MROH9: variants seen among roughly 807,000 people sequenced by gnomAD.
The protein encoded by MROH9 is maestro heat-like repeat-containing protein family member 9.
In MROH9, 92 loss-of-function variants were observed where a neutral mutation model predicts 98.2. The ratio of observed to expected loss-of-function variants is 0.94; its 90% CI spans 0.79 to 1.11. MROH9 has a LOEUF of 1.11. MROH9 is among the 50% of genes most tolerant of loss of function. The pLI, the probability that MROH9 is intolerant of heterozygous loss-of-function variation, is 0.00. For synonymous variants in MROH9, 397 were observed against 368.9 expected (o/e 1.08, Z -0.87); for missense variants, 1,057 against 1,014.8 (o/e 1.04, Z -0.57).
At chr1:170,938,200 C>T (rs149981928) in intron 1 of MROH9, among the ~76,000 whole-genome samples, 2 of 152,250 alleles carry the variant, frequency 1.3e-5, no homozygotes, top group Non-Finnish European at 2.9e-5. Flanking sequence ...TCTTAACTTC[C>T]AGTTCAGTGG....
chr1:170,950,780 ACTATAT>A (rs753460069), intron 3 of MROH9, among the ~76,000 whole-genome samples: 8 of 152,128 alleles, frequency 5.3e-5, no homozygotes, highest in Non-Finnish European at 1.0e-4. Flanking sequence ...GCTGGATCAA[ACTATAT>A]CTATATTTTG....
intron 17 of MROH9, among the ~76,000 whole-genome samples, chr1:171,018,295 C>G (rs1652396639): frequency 6.6e-6 from 1 of 151,894 alleles, no homozygotes. Flanking sequence ...CTGCAGCAAC[C>G]CTACAGAAGA....
intron 20 of MROH9, among the ~76,000 whole-genome samples, chr1:171,052,718 G>A (rs1653709748): frequency 6.6e-6 from 1 of 152,178 alleles, no homozygotes; most frequent in African/African-American, 2.4e-5. Context: ...GAGTGGGTAA[G>A]CCAAATGCCT....
intron 20 of MROH9, among the ~76,000 whole-genome samples, chr1:171,056,041 G>A (rs559188121): frequency 2.6e-5 from 4 of 152,288 alleles, no homozygotes; most frequent in South Asian, 4.1e-4. Flanking sequence ...CCACACCACC[G>A]GGGCCTAGGG....
chr1:171,014,132 T>A lies in MROH9; in HGVS notation c.1612T>A (p.Phe538Ile), dbSNP rs765082584. The A allele has an allele frequency of 7.1e-6, 11 of 1,550,680 alleles. No individual in the cohort carries two copies. The highest frequency in any genetic ancestry group is 9.6e-6 in the Non-Finnish European group (11 of 1,146,658). ...TTTCTTTCAGCTTCTGAATAACTTC[T>A]TCAAGGACCCTTTACCAGAAGAATT... ...IFLTELLNNF[F>I]KDPLPEEFLV... Residue 538 changes from phenylalanine to isoleucine, a missense_variant, in exon 16 of 22, where the codon TTC (phenylalanine) becomes ATC (isoleucine). Physicochemically the swap from Phe to Ile is conservative, Grantham distance 21. Transcript: ENST00000367759.
chr1:171,017,918 G>A lies in MROH9; in HGVS notation c.1908+1582G>A, dbSNP rs78392460. ...CTCCTTAGGCCTGAACCCCTCGTGGGAGGGGTGGCCACAGTCTCTGCACAC... is the reference window on the plus strand; with the variant it reads ...CTCCTTAGGCCTGAACCCCTCGTGGAAGGGGTGGCCACAGTCTCTGCACAC... On this transcript the variant is annotated intron_variant, in intron 17 of 21. Transcript: ENST00000367759. 5.4e-3 allele frequency among the ~76,000 whole-genome samples: 822 copies of A among 152,272 alleles called. 30 individuals carry two copies. In the East Asian group the frequency reaches 0.11, roughly 21 times the overall value.
At chr1:171,024,814 T>C (rs1652653805) in intron 19 of MROH9, 49 bp downstream of exon 19, 2 of 1,120,924 alleles carry the variant, frequency 1.8e-6, no homozygotes, top group Non-Finnish European at 2.6e-6. Context: ...AGACAAAACT[T>C]ACAGGATATC....
In MROH9 at chr1:170,994,395, T is replaced by G. The variant is rs556982887; in HGVS notation, c.1195-994T>G. 4.6e-4 allele frequency among the ~76,000 whole-genome samples: 70 copies of G among 152,320 alleles called. 1 individual carries two copies. The highest frequency in any genetic ancestry group is 1.7e-3 in the African/African-American group (70 of 41,580). ...CATATGTTATTATTGCCTAATTTAT[T>G]GTATAAAAAGACCTATGAAGTTTTC... On this transcript the variant is annotated intron_variant, in intron 12 of 21. Coordinates refer to ENST00000367759, the MANE Select transcript of MROH9 (RefSeq NM_001163629.2).
chr1:170,954,445 A>G (rs1027003087), intron 3 of MROH9, among the ~76,000 whole-genome samples: 1 of 152,090 alleles, frequency 6.6e-6, no homozygotes, highest in African/African-American at 2.4e-5. Context: ...TATTGTGAAT[A>G]TGCTGCAATG....
At chr1:171,012,283 A>T (rs899928048) in intron 15 of MROH9, among the ~76,000 whole-genome samples, 1 of 151,692 alleles carries the variant, frequency 6.6e-6, no homozygotes, top group African/African-American at 2.4e-5. Context: ...GTGCTTTTTA[A>T]TTGTTTTGCT....
At chr1:170,979,843 T>C (rs1166604716) in intron 8 of MROH9, among the ~76,000 whole-genome samples, 2 of 152,132 alleles carry the variant, frequency 1.3e-5, no homozygotes, top group Non-Finnish European at 2.9e-5. Flanking sequence ...GAAAACCCCA[T>C]CATCTCAGTC....
intron 20 of MROH9, among the ~76,000 whole-genome samples, chr1:171,056,038 A>T (rs1299628231): frequency 4.6e-5 from 7 of 152,188 alleles, no homozygotes; most frequent in African/African-American, 1.7e-4. Flanking sequence ...AACCCACACC[A>T]CCGGGGCCTA....
intron 20 of MROH9, among the ~76,000 whole-genome samples, chr1:171,044,972 CTTTTTTTTTTTTTTTTTTTTTTTTTTTT>C (rs754332732): frequency 4.6e-4 from 21 of 45,712 alleles, no homozygotes; most frequent in Middle Eastern, 0.012. Context: ...CTGCTCTGAT[CTTTTTTTTTTTTTTTTTTTTTTTTTTTT>C]TTTTTTTTTT....
chr1:171,035,233 A>G (rs1653058064), intron 20 of MROH9, among the ~76,000 whole-genome samples: 1 of 151,940 alleles, frequency 6.6e-6, no homozygotes, highest in Non-Finnish European at 1.5e-5. Flanking sequence ...ATAATAACTT[A>G]GAAAAAGACA....
chr1:170,972,527 T>C (rs1650499796), intron 8 of MROH9, among the ~76,000 whole-genome samples: 1 of 152,102 alleles, frequency 6.6e-6, no homozygotes, highest in Non-Finnish European at 1.5e-5. Flanking sequence ...TACATAGTTT[T>C]TGGCAAGGCA....
intron 20 of MROH9, among the ~76,000 whole-genome samples, chr1:171,039,589 C>T (rs74123663): frequency 0.067 from 10,129 of 152,124 alleles, 1,135 homozygotes; most frequent in African/African-American, 0.23. Context: ...CATATCCTCC[C>T]GCTTAGCTGT....
intron 20 of MROH9, among the ~76,000 whole-genome samples, chr1:171,056,862 G>A (rs1653854310): frequency 6.6e-6 from 1 of 152,116 alleles, no homozygotes; most frequent in Non-Finnish European, 1.5e-5. Flanking sequence ...AATGGCAGCA[G>A]CCCTACAGAA....
intron 20 of MROH9, among the ~76,000 whole-genome samples, chr1:171,061,493 G>A (rs936205002): frequency 5.3e-5 from 8 of 152,130 alleles, no homozygotes; most frequent in Admixed American, 1.3e-4. Context: ...TTTAAAAAAT[G>A]ATGCATTCGT....
At chr1:170,966,662 A>C (rs28635793) in intron 7 of MROH9, among the ~76,000 whole-genome samples, 8,411 of 152,210 alleles carry the variant, frequency 0.055, 355 homozygotes, top group East Asian at 0.17. Flanking sequence ...GATGGGGGAC[A>C]CAGTCCAGAG....
Sources: allele counts gnomAD v4.1 joint callset (sites outside exome capture counted in the v4.1 genomes callset), GRCh38; gene constraint gnomAD v4.1.1; transcripts MANE v1.5; gene names NCBI Gene and HGNC (gene_info 2026-07-23, HGNC 2026-07-21).